The following RP1 variants were observed in gnomAD, a reference collection of about 807,000 sequenced individuals.
RP1 encodes oxygen-regulated protein 1.
RP1 carries 16 observed loss-of-function variants against 14.8 expected under a neutral mutation model. The ratio of observed to expected loss-of-function variants is 1.08; its 90% confidence interval spans 0.73 to 1.65. RP1 has a LOEUF of 1.65. Ranked by LOEUF, RP1 falls within the 40% of genes most tolerant of loss-of-function variation. RP1 has a pLI of 0.00. For missense variants in RP1, 2,631 were observed against 2,535.0 expected (o/e 1.04, Z -0.81); for synonymous variants, 876 against 883.6 (o/e 0.99, Z 0.15).
chr8:54,740,338 C>A (rs1809045076), intron 19 of RP1, among the ~76,000 whole-genome samples: 1 of 136,346 alleles, frequency 7.3e-6, no homozygotes, highest in South Asian at 2.3e-4. Context: ...GTGAACCTGA[C>A]ATTGTGCAGG....
At chr8:54,861,447 A>C (rs760775536) in intron 27 of RP1, among the ~76,000 whole-genome samples, 13 of 152,206 alleles carry the variant, frequency 8.5e-5, no homozygotes, top group Non-Finnish European at 1.6e-4. Flanking sequence ...AGATCTACCC[A>C]CTTTCATGTG....
chr8:54,669,860 C>T (rs1936359292), intron 7 of RP1, among the ~76,000 whole-genome samples: 1 of 147,406 alleles, frequency 6.8e-6, no homozygotes, highest in South Asian at 2.2e-4. Context: ...GGGAACATCA[C>T]ACACAGGGGC....
At chr8:54,716,412 TA>T (rs578187464) in intron 15 of RP1, among the ~76,000 whole-genome samples, 16 of 151,604 alleles carry the variant, frequency 1.1e-4, no homozygotes, top group East Asian at 7.7e-4. Flanking sequence ...TACAAAGACT[TA>T]AAAAAAAATC....
chr8:54,677,687 A>G (rs1053966385), intron 8 of RP1, among the ~76,000 whole-genome samples: 4 of 152,176 alleles, frequency 2.6e-5, no homozygotes, highest in Admixed American at 1.3e-4. Context: ...TGATTGCACT[A>G]CTGTACTCTA....
intron 24 of RP1, among the ~76,000 whole-genome samples, chr8:54,801,592 T>C (rs938438388): frequency 1.3e-5 from 2 of 151,818 alleles, no homozygotes; most frequent in African/African-American, 4.8e-5. Flanking sequence ...CTGCCGTTAC[T>C]ACCCCCAGCC....
chr8:54,776,976 G>T (rs1810056712), intron 23 of RP1, among the ~76,000 whole-genome samples: 1 of 152,184 alleles, frequency 6.6e-6, no homozygotes, highest in Admixed American at 6.5e-5. Context: ...CTGCTGCTCA[G>T]CGGCTGCTGA....
exon 22 of RP1, chr8:54,758,989 C>A: frequency 6.5e-7 from 1 of 1,535,916 alleles, no homozygotes; most frequent in South Asian, 1.2e-5. Flanking sequence ...CGCTGTGAGG[C>A]CAGTGACAAA....
At chr8:54,867,019 T>A (rs10504173) in intron 28 of RP1, among the ~76,000 whole-genome samples, 12,922 of 152,242 alleles carry the variant, frequency 0.085, 1,063 homozygotes, top group African/African-American at 0.21. Flanking sequence ...AAAGTAGAGT[T>A]CTTGTCTTCA....
At chr8:54,785,329 T>C (rs1329105449) in intron 24 of RP1, among the ~76,000 whole-genome samples, 1 of 150,360 alleles carries the variant, frequency 6.7e-6, no homozygotes, top group Non-Finnish European at 1.5e-5. Context: ...TTAATCGGTG[T>C]TGTAGCATGT....
chr8:54,753,274 C>T (rs1053104434), intron 19 of RP1, among the ~76,000 whole-genome samples: 7 of 152,188 alleles, frequency 4.6e-5, no homozygotes, highest in Non-Finnish European at 7.3e-5. Flanking sequence ...ACCCATTTCA[C>T]GTAGTTATTC....
intron 24 of RP1, among the ~76,000 whole-genome samples, chr8:54,814,229 C>T (rs923340828): frequency 3.9e-5 from 6 of 151,978 alleles, no homozygotes; most frequent in Non-Finnish European, 8.8e-5. Context: ...ATATGTTAGG[C>T]GCATATTTAA....
chr8:54,800,572 G>T (rs1471080723), intron 24 of RP1, among the ~76,000 whole-genome samples: 1 of 151,886 alleles, frequency 6.6e-6, no homozygotes, highest in East Asian at 1.9e-4. Flanking sequence ...CAAAATCTTT[G>T]TGTTTCAATT....
chr8:54,598,025 TATC>T (rs1374116790), intron 1 of RP1, among the ~76,000 whole-genome samples: 1 of 152,142 alleles, frequency 6.6e-6, no homozygotes, highest in Non-Finnish European at 1.5e-5. Flanking sequence ...CTCCCCGCAC[TATC>T]GTTAACCCCT....
chr8:54,603,845 T>C (rs1195871515), intron 1 of RP1, among the ~76,000 whole-genome samples: 2 of 152,198 alleles, frequency 1.3e-5, no homozygotes, highest in Non-Finnish European at 1.5e-5. Context: ...TGTTTGTCTG[T>C]TATTGGTGTA....
chr8:54,824,036 C>T (rs1811324489), intron 24 of RP1, among the ~76,000 whole-genome samples: 1 of 152,046 alleles, frequency 6.6e-6, no homozygotes. Context: ...TTCTCTAATG[C>T]AAAACATCTT....
chr8:54,845,183 C>T (rs1408886150), intron 25 of RP1, among the ~76,000 whole-genome samples: 3 of 152,158 alleles, frequency 2.0e-5, no homozygotes, highest in Non-Finnish European at 4.4e-5. Context: ...GAGACAAGTT[C>T]CAATGACTAT....
chr8:54,610,028 G>A (rs1041768208), intron 1 of RP1, among the ~76,000 whole-genome samples: 4 of 152,088 alleles, frequency 2.6e-5, no homozygotes, highest in South Asian at 2.1e-4. Flanking sequence ...TTATCTCCAC[G>A]TGCTGACTCC....
chr8:54,673,443 CA>C (rs1240113241), intron 7 of RP1, among the ~76,000 whole-genome samples: 1 of 152,084 alleles, frequency 6.6e-6, no homozygotes, highest in Non-Finnish European at 1.5e-5. Flanking sequence ...TTAATTTTTA[CA>C]ATCAATTTTT....
intron 15 of RP1, among the ~76,000 whole-genome samples, chr8:54,716,438 C>T (rs1200892053): frequency 1.3e-5 from 2 of 151,978 alleles, no homozygotes; most frequent in Admixed American, 6.6e-5. Context: ...AAAAAGGCCA[C>T]GGGACATAGA....
Sources: gnomAD v4.1 joint callset for allele counts (sites outside exome capture counted in the v4.1 genomes callset) on GRCh38, gnomAD v4.1.1 for gene constraint, MANE v1.5 for transcripts, NCBI Gene and HGNC (gene_info 2026-07-23, HGNC 2026-07-21) for gene names.